Variants in KIAA0825 observed in about 807,000 individuals in gnomAD.
The protein encoded by KIAA0825 is uncharacterized protein KIAA0825.
In KIAA0825, 119 loss-of-function variants were observed where a neutral mutation model predicts 147.6. The ratio of observed to expected loss-of-function variants is 0.81; its 90% CI spans 0.69 to 0.94. KIAA0825 has a LOEUF of 0.94. Ranked by LOEUF, KIAA0825 falls within the 40% of genes least tolerant of loss-of-function variation. The pLI is 0.00. For synonymous variants in KIAA0825, 470 were observed against 518.1 expected (o/e 0.91, Z 1.26); for missense variants, 1,381 against 1,472.7 (o/e 0.94, Z 1.02).
chr5:94,340,443 T>C (rs1782255114), intron 20 of KIAA0825, among the ~76,000 whole-genome samples: 1 of 152,206 alleles, frequency 6.6e-6, no homozygotes, highest in Admixed American at 6.5e-5. Context: ...AATGGTTACC[T>C]ACCTGAGTTA....
intron 20 of KIAA0825, among the ~76,000 whole-genome samples, chr5:94,368,364 G>A (rs1746166586): frequency 2.0e-5 from 3 of 152,014 alleles, no homozygotes; most frequent in Admixed American, 6.5e-5. Flanking sequence ...GTAGAAATAG[G>A]GTTTCTGCAT....
At chr5:94,489,746 C>T (rs1183711084) in intron 5 of KIAA0825, among the ~76,000 whole-genome samples, 2 of 151,726 alleles carry the variant, frequency 1.3e-5, no homozygotes, top group South Asian at 2.1e-4. Context: ...ATTAGCCAGG[C>T]GTGGTGGTGT....
At chr5:94,494,127 A>C (rs1370241963) in intron 5 of KIAA0825, among the ~76,000 whole-genome samples, 4 of 152,138 alleles carry the variant, frequency 2.6e-5, no homozygotes, top group African/African-American at 9.7e-5. Flanking sequence ...TTACCCTTTT[A>C]TGATTCCCAG....
intron 14 of KIAA0825, among the ~76,000 whole-genome samples, chr5:94,432,177 C>T (rs1755767648): frequency 6.6e-6 from 1 of 152,144 alleles, no homozygotes; most frequent in Admixed American, 6.5e-5. Context: ...GCAGCAGATA[C>T]CTTGTTTGAT....
chr5:94,251,360 T>G (rs1775954342), intron 20 of KIAA0825, among the ~76,000 whole-genome samples: 1 of 152,136 alleles, frequency 6.6e-6, no homozygotes, highest in Non-Finnish European at 1.5e-5. Context: ...TGAAGTTACA[T>G]TTGCTCCTTG....
rs978643757 is a variant in KIAA0825, at chr5:94,266,414, T to C, written c.3711-112290A>G. 1.3e-5 allele frequency among the ~76,000 whole-genome samples: 2 copies of C among 152,158 alleles called. 1 individual carries two copies. The highest frequency in any genetic ancestry group is 2.9e-5 in the Non-Finnish European group (2 of 68,008). ...TAAATCTTCTGTGGTAAAAGACCAATTCAAAGTACAAGATATCATTTCAGA... is the reference window on the plus strand; with the variant it reads ...TAAATCTTCTGTGGTAAAAGACCAACTCAAAGTACAAGATATCATTTCAGA... On this transcript the variant is annotated intron_variant, in intron 20 of 20. Coordinates refer to ENST00000682413, the MANE Select transcript of KIAA0825 (RefSeq NM_001145678.3).
At position 94,364,633 on chromosome 5, in the gene KIAA0825, TG is replaced by T. The variant is rs200884470; in HGVS notation, c.3710+19734del. On this transcript the variant is annotated intron_variant, in intron 20 of 20. Transcript: ENST00000682413. ...TCCTGACCTCGTGATCCACCTGCCTTGGCCTCCCAAAGTGCTGGGATTAATG... is the reference window on the plus strand; with the variant it reads ...TCCTGACCTCGTGATCCACCTGCCTTGCCTCCCAAAGTGCTGGGATTAATG... Among the ~76,000 whole-genome samples the T allele has an allele frequency of 6.9e-3, 1,044 of 152,190 alleles. 16 individuals are homozygous for T. The highest frequency in any genetic ancestry group is 0.023 in the African/African-American group (976 of 41,538).
At chr5:94,326,720 A>C (rs1222555567) in intron 20 of KIAA0825, among the ~76,000 whole-genome samples, 1 of 152,206 alleles carries the variant, frequency 6.6e-6, no homozygotes. Flanking sequence ...CCGCTTCATC[A>C]ATGATGCCTT....
chr5:94,206,878 TTATA>T (rs1772247373), intron 20 of KIAA0825, among the ~76,000 whole-genome samples: 1 of 152,170 alleles, frequency 6.6e-6, no homozygotes, highest in African/African-American at 2.4e-5. Flanking sequence ...GTTTTAGGGC[TTATA>T]TACACTGGGA....
At chr5:94,157,310 T>TGTCA (rs1204465505) in intron 20 of KIAA0825, among the ~76,000 whole-genome samples, 1 of 152,198 alleles carries the variant, frequency 6.6e-6, no homozygotes, top group East Asian at 1.9e-4. Flanking sequence ...GACTATGCTG[T>TGTCA]GTCTTACACA....
chr5:94,432,563 A>G (rs1034171360), intron 14 of KIAA0825, among the ~76,000 whole-genome samples: 1 of 151,764 alleles, frequency 6.6e-6, no homozygotes, highest in African/African-American at 2.4e-5. Flanking sequence ...GTGACACACA[A>G]ATATGGTTCT....
At chr5:94,323,420 G>A (rs757571529) in intron 20 of KIAA0825, among the ~76,000 whole-genome samples, 58 of 151,700 alleles carry the variant, frequency 3.8e-4, no homozygotes, top group Admixed American at 1.6e-3. Context: ...AACTGGTTAC[G>A]TGTTATGTCT....
At chr5:94,482,170 TC>T (rs938380349) in intron 6 of KIAA0825, among the ~76,000 whole-genome samples, 28 of 152,112 alleles carry the variant, frequency 1.8e-4, no homozygotes, top group Admixed American at 6.6e-5. Context: ...TTATTGTATC[TC>T]TACAAAATCT....
intron 15 of KIAA0825, among the ~76,000 whole-genome samples, chr5:94,404,151 T>G (rs1378724432): frequency 6.6e-6 from 1 of 152,076 alleles, no homozygotes; most frequent in Non-Finnish European, 1.5e-5. Context: ...TCTATAGGAC[T>G]TTTCCTAAGA....
intron 20 of KIAA0825, among the ~76,000 whole-genome samples, chr5:94,175,670 T>C (rs1445682703): frequency 6.6e-6 from 1 of 152,188 alleles, no homozygotes; most frequent in Non-Finnish European, 1.5e-5. Context: ...AATGTTAAAA[T>C]TAATTTCCAA....
intron 14 of KIAA0825, among the ~76,000 whole-genome samples, chr5:94,431,928 T>G (rs945300599): frequency 6.6e-6 from 1 of 152,156 alleles, no homozygotes; most frequent in Non-Finnish European, 1.5e-5. Context: ...CAGGGGATTG[T>G]TGGTGTTGCA....
chr5:94,589,984 T>C lies in KIAA0825; in HGVS notation c.-152-7401A>G, dbSNP rs547516540. 4.2e-4 allele frequency among the ~76,000 whole-genome samples: 64 copies of C among 152,128 alleles called. 1 individual carries two copies. In the South Asian group the frequency reaches 8.3e-3, roughly 20 times the overall value. ...GAAATGGATATGAGGTAGACTCCAA[T>C]GGTTTCTTTTTTTCTTTGTTTTTGA... On this transcript the variant is annotated intron_variant, in intron 1 of 20. Transcript: ENST00000682413.
intron 5 of KIAA0825, among the ~76,000 whole-genome samples, chr5:94,507,348 T>C (rs1050019469): frequency 3.9e-5 from 6 of 152,076 alleles, no homozygotes; most frequent in Non-Finnish European, 7.4e-5. Flanking sequence ...CTCAGGAGGC[T>C]GAGGCCAGGA....
intron 20 of KIAA0825, among the ~76,000 whole-genome samples, chr5:94,341,968 C>T (rs540555483): frequency 1.3e-5 from 2 of 152,082 alleles, no homozygotes; most frequent in South Asian, 2.1e-4. Flanking sequence ...CCAAGGCAGG[C>T]GGGTCATGAG....
Sources: gnomAD v4.1 joint callset for allele counts (sites outside exome capture counted in the v4.1 genomes callset) on GRCh38, gnomAD v4.1.1 for gene constraint, MANE v1.5 for transcripts, NCBI Gene and HGNC (gene_info 2026-07-23, HGNC 2026-07-21) for gene names.